The following COG5 variants were observed in gnomAD, a reference collection of about 807,000 sequenced individuals.
COG5 encodes component of oligomeric golgi complex 5.
A neutral mutation model predicts 110.4 loss-of-function variants in COG5; 86 were observed. The ratio of observed to expected loss-of-function variants is 0.78; its 90% CI spans 0.65 to 0.93. The LOEUF is 0.93. Ranked by LOEUF, COG5 falls within the 40% of genes least tolerant of loss-of-function variation. COG5 has a pLI of 0.00. For missense variants in COG5, 1,077 were observed against 987.0 expected (o/e 1.09, Z -1.22); for synonymous variants, 360 against 334.6 (o/e 1.08, Z -0.83).
At chr7:107,425,486 T>C (rs1298941646) in intron 6 of COG5, among the ~76,000 whole-genome samples, 1 of 151,762 alleles carries the variant, frequency 6.6e-6, no homozygotes, top group Non-Finnish European at 1.5e-5. Flanking sequence ...TTAATTTTTA[T>C]TCTATTTCTG....
At chr7:107,356,804 A>T (rs1291409565) in intron 10 of COG5, among the ~76,000 whole-genome samples, 1 of 152,194 alleles carries the variant, frequency 6.6e-6, no homozygotes, top group Non-Finnish European at 1.5e-5. Flanking sequence ...TTTTTAAAAT[A>T]AATAAAATTT....
At chr7:107,441,211 G>C (rs535835208) in intron 6 of COG5, among the ~76,000 whole-genome samples, 1 of 141,192 alleles carries the variant, frequency 7.1e-6, no homozygotes, top group African/African-American at 2.7e-5. Flanking sequence ...AGCCGAGATC[G>C]CGCCACTGCA....
intron 12 of COG5, among the ~76,000 whole-genome samples, chr7:107,290,120 AACTG>A (rs1806040205): frequency 6.6e-6 from 1 of 152,238 alleles, no homozygotes; most frequent in Non-Finnish European, 1.5e-5. Flanking sequence ...ACAAATGCAT[AACTG>A]ACTGTTCCTG....
intron 12 of COG5, among the ~76,000 whole-genome samples, chr7:107,292,657 G>A (rs568505414): frequency 6.6e-6 from 1 of 152,192 alleles, no homozygotes; most frequent in South Asian, 2.1e-4. Flanking sequence ...TTTTACTCAG[G>A]ATCTGAAGAA....
At chr7:107,552,514 CAT>C (rs1319372375) in intron 3 of COG5, among the ~76,000 whole-genome samples, 1 of 151,638 alleles carries the variant, frequency 6.6e-6, no homozygotes, top group Non-Finnish European at 1.5e-5. Flanking sequence ...AGGCAACACA[CAT>C]GAAAAAAAAA....
At chr7:107,549,571 T>G (rs1236385756) in intron 3 of COG5, among the ~76,000 whole-genome samples, 15 of 151,006 alleles carry the variant, frequency 9.9e-5, no homozygotes, top group Non-Finnish European at 2.1e-4. Context: ...TTTTTTTTTT[T>G]TTTTGTATTT....
chr7:107,363,674 T>G, intron 8 of COG5, among the ~76,000 whole-genome samples: 3 of 152,064 alleles, frequency 2.0e-5, no homozygotes, highest in Middle Eastern at 6.8e-3. Context: ...GAAATGTTAT[T>G]GGCCGGGCAT....
At chr7:107,227,178 T>C (rs1208772344) in intron 19 of COG5, among the ~76,000 whole-genome samples, 1 of 152,104 alleles carries the variant, frequency 6.6e-6, no homozygotes, top group East Asian at 1.9e-4. Context: ...TTAAACTAAT[T>C]TAGTGGGTTA....
intron 12 of COG5, among the ~76,000 whole-genome samples, chr7:107,294,709 CTTTCTTTTTTT>C (rs1343760456): frequency 7.4e-4 from 93 of 125,266 alleles, no homozygotes; most frequent in African/African-American, 2.9e-3. Flanking sequence ...TCTTAATTTT[CTTTCTTTTTTT>C]TTTTTTTTTT....
At chr7:107,288,818 C>T (rs919475315) in intron 12 of COG5, among the ~76,000 whole-genome samples, 2 of 148,600 alleles carry the variant, frequency 1.3e-5, no homozygotes, top group African/African-American at 2.5e-5. Context: ...ATAATTTTGT[C>T]TTTTGTTGAT....
chr7:107,527,216 T>TTAA, intron 6 of COG5, 21 bp downstream of exon 6: 1 of 1,386,816 alleles, frequency 7.2e-7, no homozygotes, highest in Non-Finnish European at 9.7e-7. Flanking sequence ...ACTTTTTATT[T>TTAA]AAAAAAAAAA....
At chr7:107,268,089 C>T (rs1803947490) in intron 14 of COG5, among the ~76,000 whole-genome samples, 2 of 152,228 alleles carry the variant, frequency 1.3e-5, no homozygotes, top group Middle Eastern at 3.4e-3. Flanking sequence ...CTGCCTCAGC[C>T]TCCTTAGTAG....
At position 107,474,098 on chromosome 7, in the gene COG5, C is replaced by T. The variant is rs1476821244; in HGVS notation, c.538+53139G>A. 6.3e-7 allele frequency: 1 copy of T among 1,593,318 alleles called. No homozygotes were observed. Among genetic ancestry groups the T allele is most frequent in the Non-Finnish European group, 8.6e-7 (1 of 1,168,214 alleles). On this transcript the variant is annotated intron_variant, in intron 6 of 21. Transcript: ENST00000297135. This position sits in a 1 kb window ranked among gnomAD's most constrained non-coding sequence, Gnocchi z 5.7. ...CCCATTCTGGAAATCAACATGCAGT[C>T]TGAATCTAACATTACAGTGCGAGAT...
chr7:107,397,769 T>C (rs977821771), intron 7 of COG5, among the ~76,000 whole-genome samples: 2 of 151,992 alleles, frequency 1.3e-5, no homozygotes, highest in Non-Finnish European at 2.9e-5. Flanking sequence ...ATAACAAAAA[T>C]AGAAAATCAC....
intron 12 of COG5, among the ~76,000 whole-genome samples, chr7:107,284,828 T>A (rs1266451343): frequency 6.6e-6 from 1 of 152,220 alleles, no homozygotes; most frequent in Non-Finnish European, 1.5e-5. Context: ...TCTTCTCACA[T>A]CATCCCTGTT....
intron 13 of COG5, 102 bp from the exon 14 acceptor site, chr7:107,281,501 T>A: frequency 1.2e-6 from 1 of 829,056 alleles, no homozygotes; most frequent in Non-Finnish European, 2.0e-6. Context: ...GTGGTTATTC[T>A]TTTTATAGAT....
At chr7:107,368,937 T>G (rs749059802) in intron 8 of COG5, among the ~76,000 whole-genome samples, 1 of 152,210 alleles carries the variant, frequency 6.6e-6, no homozygotes, top group Non-Finnish European at 1.5e-5. Flanking sequence ...TTTCCCTTGC[T>G]CTCTCAACAG....
intron 6 of COG5, chr7:107,475,626 ATTT>A: frequency 3.2e-6 from 1 of 308,832 alleles, no homozygotes; most frequent in Non-Finnish European, 6.3e-6. Flanking sequence ...TGTAAGTCAT[ATTT>A]TTTAAGGAAT....
intron 21 of COG5, among the ~76,000 whole-genome samples, chr7:107,204,011 C>G (rs1798559701): frequency 6.6e-6 from 1 of 152,186 alleles, no homozygotes; most frequent in Admixed American, 6.5e-5. Context: ...TCCTGCGCCT[C>G]TGAAAGGCAC....
Sources: allele counts gnomAD v4.1 joint callset (sites outside exome capture counted in the v4.1 genomes callset), GRCh38; gene constraint gnomAD v4.1.1; non-coding constraint Gnocchi (gnomAD v3.1); transcripts MANE v1.5; gene names NCBI Gene and HGNC (gene_info 2026-07-23, HGNC 2026-07-21).